The following RAB2B variants were observed in gnomAD, a reference collection of about 807,000 sequenced individuals.
RAB2B encodes the protein RAB2B, member RAS oncogene family.
RAB2B carries 20 observed loss-of-function variants against 29.8 expected under a neutral mutation model. The ratio of observed to expected loss-of-function variants is 0.67; its 90% CI spans 0.47 to 0.97. The LOEUF (loss-of-function observed/expected upper bound fraction) is 0.97, where lower values mean the gene tolerates loss of function less well. RAB2B is among the 50% of genes least tolerant of loss of function. The pLI is 0.00. For synonymous variants in RAB2B, 93 were observed against 91.7 expected (o/e 1.01, Z -0.08); for missense variants, 218 against 272.0 (o/e 0.80, Z 1.40).
intron 5 of RAB2B, among the ~76,000 whole-genome samples, chr14:21,464,251 T>C (rs1159578614): frequency 6.6e-6 from 1 of 152,060 alleles, no homozygotes; most frequent in Non-Finnish European, 1.5e-5. Context: ...AATACAAAAA[T>C]TAGCTGAGTA....
At chr14:21,462,441 C>G (rs760924520) in intron 6 of RAB2B, 23 bp from the exon 7 acceptor site, 1 of 1,578,838 alleles carries the variant, frequency 6.3e-7, no homozygotes, top group Non-Finnish European at 8.7e-7. Context: ...TAAATCGTAT[C>G]ATCAGTCTCA....
At chr14:21,467,397 A>C (rs1232675981) in intron 5 of RAB2B, among the ~76,000 whole-genome samples, 1 of 152,164 alleles carries the variant, frequency 6.6e-6, no homozygotes, top group African/African-American at 2.4e-5. Context: ...GGACTCAAGC[A>C]ATCCTTCCAG....
In RAB2B at chr14:21,474,916, C is replaced by A; in HGVS notation, c.137G>T (p.Arg46Leu). The A allele has an allele frequency of 1.2e-6, 2 of 1,613,976 alleles. No individual in the cohort carries two copies. The highest frequency in any genetic ancestry group is 2.2e-5 in the South Asian group (2 of 91,084). Residue 46 changes from arginine (R) to leucine (L), a missense_variant, in exon 3 of 8, where the codon CGT becomes CTT. Transcript: ENST00000397762. ...TTGTTTTCCATCAATGTTGACCATA[C>A]GAGCTCCAAACTCCACACCTGTCGG... is the stretch of plus-strand genomic sequence containing the variant. The part of the protein sequence containing the change: ...DLTIGVEFGA[R>L]MVNIDGKQIK...
chr14:21,473,097 G>T (rs2139605635), intron 3 of RAB2B, among the ~76,000 whole-genome samples: 1 of 152,258 alleles, frequency 6.6e-6, no homozygotes, highest in Non-Finnish European at 1.5e-5. Context: ...CGGATAGATG[G>T]ATGGATAGAC....
intron 3 of RAB2B, among the ~76,000 whole-genome samples, chr14:21,473,006 A>G (rs1489370126): frequency 6.6e-6 from 1 of 152,174 alleles, no homozygotes; most frequent in African/African-American, 2.4e-5. Context: ...AGCCTGGGAA[A>G]CATGTTGAAA....
At chr14:21,475,188 C>A (rs1453682873) in intron 2 of RAB2B, among the ~76,000 whole-genome samples, 1 of 152,076 alleles carries the variant, frequency 6.6e-6, no homozygotes, top group Admixed American at 6.5e-5. Flanking sequence ...GAAAATAAAA[C>A]CAATTAAGAA....
Position 21,459,916 on chromosome 14 carries a change from A to G in RAB2B, c.*1280T>C, listed in dbSNP as rs1890499593. 3.1e-6 allele frequency: 1 copy of G among 318,164 alleles called. No individual in the cohort carries two copies. Among genetic ancestry groups the G allele is most frequent in the African/African-American group, 2.2e-5 (1 of 46,106 alleles). 19.7% of individuals were successfully genotyped at this position (318,164 alleles called of 1,614,324 possible). ...AGAAGTCTATCTGGTGAAAGACACT[A>G]CAATGTTAGATCTGGCCCCTAAAAT... On this transcript the variant is annotated 3_prime_UTR_variant, in exon 8 of 8. Transcript: ENST00000397762.
At chr14:21,461,359 A>G in intron 7 of RAB2B, 56 bp from the exon 8 acceptor site, 1 of 1,189,984 alleles carries the variant, frequency 8.4e-7, no homozygotes, top group Non-Finnish European at 1.2e-6. Flanking sequence ...AATGAGAGAC[A>G]GGAGGGGGCT....
chr14:21,471,681 CT>C (rs35750510), intron 3 of RAB2B, among the ~76,000 whole-genome samples: 23 of 132,340 alleles, frequency 1.7e-4, no homozygotes, highest in Admixed American at 3.2e-4. Flanking sequence ...TTTTTTTTTC[CT>C]TTTTTTTTTT....
At position 21,459,309 on chromosome 14, in the gene RAB2B, AGGGAAAGGTGGGAG is replaced by A. The variant is rs1443350283; in HGVS notation, c.*1873_*1886del. The A allele has an allele frequency of 3.3e-5, 5 of 152,374 alleles. No individual in the cohort carries two copies. Among genetic ancestry groups the A allele is most frequent in the African/African-American group, 2.4e-5 (1 of 41,592 alleles). 9.4% of individuals were successfully genotyped at this position (152,374 alleles called of 1,614,324 possible). A position where few individuals can be genotyped will look rare whatever the true frequency, so the allele number is the denominator to read the frequency against. On this transcript the variant is annotated 3_prime_UTR_variant, in exon 8 of 8. Transcript: ENST00000397762. ...CCTCATGGAATGGAGGCAAAAAGCC[AGGGAAAGGTGGGAG>A]GGGAGAAGGAAGAGAACTGTATAAA...
rs147475046 is a variant in RAB2B, at chr14:21,476,567, T to C, written c.79A>G (p.Thr27Ala). 1.2e-6 allele frequency: 2 copies of C among 1,613,620 alleles called. No individual in the cohort carries two copies. Among genetic ancestry groups the C allele is most frequent in the African/African-American group, 1.3e-5 (1 of 74,924 alleles). The change falls in exon 2 of 8, where the codon ACA becomes GCA. Residue 27 changes from threonine (T) to alanine (A), a missense_variant. Thr to Ala is a moderately conservative substitution (Grantham distance 58, BLOSUM62 0). Transcript: ENST00000397762. ...TGGACAGGCTGGAACCGCTTATCTG[T>C]AAACTGCAGGAGGAGACATGACTTC... ...VGKSCLLLQF[T>A]DKRFQPVHDL... is the part of the protein sequence containing the mutation.
chr14:21,469,852 T>G (rs1890764914), intron 3 of RAB2B, among the ~76,000 whole-genome samples: 1 of 152,168 alleles, frequency 6.6e-6, no homozygotes, highest in African/African-American at 2.4e-5. Context: ...AACTACTTTT[T>G]GGCATATAAA....
At chr14:21,474,576 G>A (rs1594417279) in intron 3 of RAB2B, 3 of 327,892 alleles carry the variant, frequency 9.1e-6, no homozygotes, top group East Asian at 1.2e-4. Flanking sequence ...AAGATGGGAA[G>A]GGAGAAAGAG....
intron 3 of RAB2B, chr14:21,474,634 T>G: frequency 2.2e-6 from 1 of 463,872 alleles, no homozygotes; most frequent in South Asian, 3.5e-5. Flanking sequence ...TAAATTTATA[T>G]TGTTTGATTT....
chr14:21,465,822 G>C (rs1890672670), intron 5 of RAB2B, among the ~76,000 whole-genome samples: 1 of 151,918 alleles, frequency 6.6e-6, no homozygotes, highest in African/African-American at 2.4e-5. Flanking sequence ...TCTTGATTTA[G>C]TCCAATCACA....
At chr14:21,473,622 T>C (rs991636337) in intron 3 of RAB2B, among the ~76,000 whole-genome samples, 7 of 152,218 alleles carry the variant, frequency 4.6e-5, no homozygotes, top group Non-Finnish European at 2.9e-5. Context: ...GGCTCACGCC[T>C]GTAATCCCAG....
chr14:21,476,462 T>A, intron 2 of RAB2B, 66 bp downstream of exon 2: 1 of 1,589,730 alleles, frequency 6.3e-7, no homozygotes, highest in Middle Eastern at 1.7e-4. Context: ...GGCTGCTAAC[T>A]TTCCACTTTA....
chr14:21,476,826 C>A lies in RAB2B; in HGVS notation c.46+1G>T. ...TTGAAGGCGAACCACCTGAGGGTTA[C>A]CTGTGTCTCCGATGATGATATACTT... On this transcript the variant is annotated splice_donor_variant, in intron 1 of 7. Coordinates refer to ENST00000397762, the MANE Select transcript of RAB2B (RefSeq NM_032846.4). LOFTEE classifies it high-confidence loss of function. 1 of 1,613,046 alleles carries A rather than the reference C, an allele frequency of 6.2e-7. No individual in the cohort carries two copies. Among genetic ancestry groups the A allele is most frequent in the Non-Finnish European group, 8.5e-7 (1 of 1,179,870 alleles).
rs1294857113 is a variant in RAB2B, at chr14:21,468,415, C to G, written c.304G>C (p.Glu102Gln). 2 of 1,614,010 alleles carry G rather than the reference C, an allele frequency of 1.2e-6. No individual in the cohort carries two copies. Among genetic ancestry groups the G allele is most frequent in the African/African-American group, 1.3e-5 (1 of 74,982 alleles). Residue 102 changes from glutamate (E) to glutamine (Q), a missense_variant, in exon 5 of 8, where the codon GAG becomes CAG. Transcript: ENST00000397762. ...ETFNHLTSWL[E>Q]DARQHSSSNM... ...GAACTAGAGTGCTGCCGGGCATCCT[C>G]TAACCATGAGGTCAGGTGGTTGAAG...
Sources: gnomAD v4.1 joint callset for allele counts (sites outside exome capture counted in the v4.1 genomes callset) on GRCh38, gnomAD v4.1.1 for gene constraint, MANE v1.5 for transcripts, NCBI Gene and HGNC (gene_info 2026-07-23, HGNC 2026-07-21) for gene names.